Variants in ATG7 observed in about 807,000 individuals in gnomAD.
The protein encoded by ATG7 is ubiquitin-like modifier-activating enzyme ATG7.
Under a neutral mutation model 82.4 loss-of-function variants are expected in ATG7, and 70 were observed. That is an observed-to-expected ratio of 0.85 (90% CI 0.70 to 1.04). The LOEUF is 1.04. ATG7 is among the 50% of genes least tolerant of loss of function. The pLI is 0.00. For missense variants in ATG7, 792 were observed against 864.3 expected, an observed-to-expected ratio of 0.92 and a Z score of 1.05; for synonymous variants, 287 against 313.0, an observed-to-expected ratio of 0.92 and a Z score of 0.88.
intron 20 of ATG7, among the ~76,000 whole-genome samples, chr3:11,480,231 T>C (rs957120902): frequency 4.6e-5 from 7 of 152,136 alleles, no homozygotes; most frequent in Admixed American, 3.9e-4. Flanking sequence ...GCACCCGGCC[T>C]GGAATCAATT....
chr3:11,306,750 T>C (rs1268384836), intron 5 of ATG7, among the ~76,000 whole-genome samples, 193 bp from the exon 6 acceptor site: 2 of 152,082 alleles, frequency 1.3e-5, no homozygotes, highest in African/African-American at 4.8e-5. Context: ...TATATAGGCT[T>C]TTAGGGGGGA....
intron 20 of ATG7, among the ~76,000 whole-genome samples, chr3:11,458,962 C>T (rs1559667879): frequency 6.6e-6 from 1 of 152,108 alleles, no homozygotes. Context: ...ATCTGGGTTG[C>T]CCGCAGCTTA....
intron 18 of ATG7, among the ~76,000 whole-genome samples, chr3:11,376,066 C>T (rs1026907626): frequency 1.1e-4 from 17 of 152,222 alleles, no homozygotes; most frequent in African/African-American, 4.1e-4. Context: ...ACATGTGATA[C>T]AATGTGGATG....
intron 20 of ATG7, among the ~76,000 whole-genome samples, chr3:11,465,088 A>AGT (rs55999171): frequency 0.62 from 91,432 of 147,198 alleles, 29,939 homozygotes; most frequent in East Asian, 0.94. Context: ...AAAAACCTAA[A>AGT]GTGTGTGTGT....
chr3:11,372,313 T>C (rs1309108518), intron 18 of ATG7, among the ~76,000 whole-genome samples: 2 of 151,114 alleles, frequency 1.3e-5, no homozygotes, highest in Non-Finnish European at 2.9e-5. Context: ...GTACAATTTT[T>C]TTTTTCTAGA....
chr3:11,419,115 G>A (rs772830100), intron 19 of ATG7, among the ~76,000 whole-genome samples: 42 of 152,248 alleles, frequency 2.8e-4, no homozygotes, highest in Middle Eastern at 3.4e-3. Context: ...ACATGCACGT[G>A]TATTTTTTAA....
chr3:11,307,743 G>A (rs1261290526), intron 6 of ATG7, among the ~76,000 whole-genome samples: 1 of 152,220 alleles, frequency 6.6e-6, no homozygotes, highest in Non-Finnish European at 1.5e-5. Context: ...GGTGGGGGCA[G>A]TTTATCCCAA....
chr3:11,530,175 A>C (rs1400105973), intron 20 of ATG7, among the ~76,000 whole-genome samples: 1 of 152,178 alleles, frequency 6.6e-6, no homozygotes, highest in African/African-American at 2.4e-5. Context: ...TTCCCACCTC[A>C]GCAGACATGA....
intron 5 of ATG7, among the ~76,000 whole-genome samples, chr3:11,300,555 G>A (rs1295280942): frequency 6.6e-6 from 1 of 152,192 alleles, no homozygotes; most frequent in African/African-American, 2.4e-5. Flanking sequence ...AGATGACAGT[G>A]TCTGCTAGAA....
At chr3:11,366,333 C>T (rs1169789439) in intron 18 of ATG7, among the ~76,000 whole-genome samples, 3 of 151,970 alleles carry the variant, frequency 2.0e-5, no homozygotes, top group South Asian at 2.1e-4. Context: ...ACATCTGACA[C>T]GGCCTTGAAA....
intron 19 of ATG7, among the ~76,000 whole-genome samples, chr3:11,387,049 G>A (rs113249509): frequency 6.6e-6 from 1 of 152,310 alleles, no homozygotes; most frequent in South Asian, 2.1e-4. Context: ...AGTTCCCTGT[G>A]GCCAAGTACC....
At chr3:11,288,486 A>C (rs569505424) in intron 3 of ATG7, among the ~76,000 whole-genome samples, 41 of 152,288 alleles carry the variant, frequency 2.7e-4, no homozygotes, top group Middle Eastern at 3.4e-3. Flanking sequence ...CTAGTCTTTT[A>C]TCTCTCTCTT....
chr3:11,340,342 A>C (rs1953333329), intron 11 of ATG7, among the ~76,000 whole-genome samples: 1 of 151,688 alleles, frequency 6.6e-6, no homozygotes, highest in Non-Finnish European at 1.5e-5. Flanking sequence ...TTCCAATAAC[A>C]GTGAAAGTTG....
chr3:11,564,697 C>CCTCA, the ATG7 span: 5 of 1,403,600 alleles, frequency 3.6e-6, no homozygotes, highest in East Asian at 5.1e-5. Flanking sequence ...CACCTCCCTC[C>CCTCA]CTCACCACCG....
intron 19 of ATG7, among the ~76,000 whole-genome samples, chr3:11,415,032 G>A (rs77088813): frequency 0.064 from 9,787 of 152,234 alleles, 343 homozygotes; most frequent in African/African-American, 0.082. Flanking sequence ...TATACAAACC[G>A]TGACAGCATA....
chr3:11,499,536 A>G (rs1409406657), intron 20 of ATG7, among the ~76,000 whole-genome samples: 2 of 152,128 alleles, frequency 1.3e-5, no homozygotes, highest in African/African-American at 4.8e-5. Flanking sequence ...ACCTGAGGTC[A>G]GGAGTTCGAG....
intron 11 of ATG7, among the ~76,000 whole-genome samples, chr3:11,340,067 G>C (rs1296541555): frequency 6.6e-6 from 1 of 152,166 alleles, no homozygotes; most frequent in African/African-American, 2.4e-5. Context: ...AGGGCTGCGG[G>C]GAAGGGAGAA....
At chr3:11,395,260 T>C (rs2079115584) in intron 19 of ATG7, among the ~76,000 whole-genome samples, 1 of 151,200 alleles carries the variant, frequency 6.6e-6, no homozygotes, top group Admixed American at 6.6e-5. Context: ...GAAGATAGAG[T>C]GAGAAAGTCT....
At chr3:11,362,434 A>C (rs2076342132) in intron 16 of ATG7, among the ~76,000 whole-genome samples, 1 of 152,192 alleles carries the variant, frequency 6.6e-6, no homozygotes, top group Non-Finnish European at 1.5e-5. Context: ...AATCATTTGC[A>C]CTTTTCAAAT....
Sources: allele counts gnomAD v4.1 joint callset (sites outside exome capture counted in the v4.1 genomes callset), GRCh38; gene constraint gnomAD v4.1.1; transcripts MANE v1.5; gene names NCBI Gene and HGNC (gene_info 2026-07-23, HGNC 2026-07-21).